Variants in SSX2IP observed in about 807,000 individuals in gnomAD.
SSX2IP encodes SSX family member 2 interacting protein.
In SSX2IP, 55 loss-of-function variants were observed where a neutral mutation model predicts 84.9. The ratio of observed to expected loss-of-function variants is 0.65; its 90% CI spans 0.52 to 0.81. SSX2IP has a LOEUF of 0.81. SSX2IP is among the 30% of genes least tolerant of loss of function. SSX2IP has a pLI of 0.00. For synonymous variants in SSX2IP, 239 were observed against 234.7 expected (o/e 1.02, Z -0.17); for missense variants, 664 against 705.2 (o/e 0.94, Z 0.66).
At chr1:84,678,374 T>C (rs1290970952) in intron 1 of SSX2IP, among the ~76,000 whole-genome samples, 1 of 152,182 alleles carries the variant, frequency 6.6e-6, no homozygotes, top group African/African-American at 2.4e-5. Context: ...CTTGCACGTA[T>C]TTCAAAACTA....
Position 84,671,157 on chromosome 1 carries a change from AATTATTTAGAC to A in SSX2IP, c.43+9_43+19del. 1 of 1,605,416 alleles carries A rather than the reference AATTATTTAGAC, an allele frequency of 6.2e-7. No homozygotes were observed. The highest frequency in any genetic ancestry group is 1.1e-5 in the South Asian group (1 of 88,782). ...CTTTACAGTTTCTGCTTTTGTTTAC[AATTATTTAGAC>A]TTAATTACCTGAAGACAGACCTGGA... On this transcript the variant is annotated intron_variant, in intron 2 of 13. Coordinates refer to ENST00000342203, the MANE Select transcript of SSX2IP (RefSeq NM_001166293.2).
Position 84,664,501 on chromosome 1 carries a change from CATG to C in SSX2IP, c.586_588del (p.His196del). ...TATTCACGCTCTTTTCTCTTCATAT[CATG>C]ATTATACTGAGTAGCTCGACTTGCA... On this transcript the variant is annotated inframe_deletion, in exon 6 of 14. Transcript: ENST00000342203. 6.2e-7 allele frequency: 1 copy of C among 1,602,654 alleles called. No homozygotes were observed. The highest frequency in any genetic ancestry group is 8.5e-7 in the Non-Finnish European group (1 of 1,176,064).
chr1:84,671,247 G>A lies in SSX2IP; in HGVS notation c.-28C>T, dbSNP rs753278008. 6 of 1,606,898 alleles carry A rather than the reference G, an allele frequency of 3.7e-6. No homozygotes were observed. Among genetic ancestry groups the A allele is most frequent in the South Asian group, 2.2e-5 (2 of 89,928 alleles). On this transcript the variant is annotated 5_prime_UTR_variant, in exon 2 of 14. Coordinates refer to ENST00000342203, the MANE Select transcript of SSX2IP (RefSeq NM_001166293.2). ...CAATCTCTAGAGCCAGGATACCTGA[G>A]GAACTAGTTCAGCAGTTAAACATTT...
intron 1 of SSX2IP, among the ~76,000 whole-genome samples, chr1:84,686,697 A>C (rs1234676362): frequency 6.6e-6 from 1 of 152,232 alleles, no homozygotes; most frequent in African/African-American, 2.4e-5. Flanking sequence ...ACAAAGAGAC[A>C]GGGGAACGGA....
chr1:84,649,718 C>G (rs1290101954), intron 13 of SSX2IP: 1 of 310,306 alleles, frequency 3.2e-6, no homozygotes, highest in Admixed American at 4.5e-5. Context: ...AATGTTCTAC[C>G]TGCTTCCTCT....
At chr1:84,687,586 G>A (rs1020077259) in intron 1 of SSX2IP, among the ~76,000 whole-genome samples, 2 of 152,142 alleles carry the variant, frequency 1.3e-5, no homozygotes, top group Admixed American at 1.3e-4. Context: ...CTGCTTTTCT[G>A]GAGTTTCTGA....
chr1:84,656,562 C>T, intron 9 of SSX2IP, 78 bp from the exon 10 acceptor site: 1 of 1,265,080 alleles, frequency 7.9e-7, no homozygotes, highest in Non-Finnish European at 1.0e-6. Context: ...ATCTTTAAAA[C>T]AAGGGCTCTC....
At chr1:84,657,723 A>T (rs929158802) in intron 9 of SSX2IP, among the ~76,000 whole-genome samples, 4 of 152,144 alleles carry the variant, frequency 2.6e-5, no homozygotes, top group African/African-American at 9.7e-5. Flanking sequence ...AGTTATCTTT[A>T]TTTGATTGTA....
chr1:84,683,962 C>G (rs1294044678), intron 1 of SSX2IP, among the ~76,000 whole-genome samples: 3 of 152,060 alleles, frequency 2.0e-5, no homozygotes, highest in Non-Finnish European at 4.4e-5. Flanking sequence ...AGAAGTCTAT[C>G]AACTTTTAAG....
chr1:84,680,441 T>G (rs1055321139), intron 1 of SSX2IP: 1 of 152,186 alleles, frequency 6.6e-6, no homozygotes, highest in African/African-American at 2.4e-5. Flanking sequence ...GGTTAAACAG[T>G]AAATTTAGTT....
In SSX2IP at chr1:84,690,411, G is replaced by T. The variant is rs1238054811; in HGVS notation, c.-130C>A. ...GAGCGGCGGGGAGTCACCGCTCGGC[G>T]TCCTAGCCCGGCTCCCGCAGCCCGA... On this transcript the variant is annotated 5_prime_UTR_variant, in exon 1 of 14. Transcript: ENST00000342203. 6.6e-6 allele frequency: 1 copy of T among 150,758 alleles called. No individual in the cohort carries two copies. The highest frequency in any genetic ancestry group is 2.4e-5 in the African/African-American group (1 of 41,062). 9.3% of individuals were successfully genotyped at this position (150,758 alleles called of 1,614,324 possible). A position where few individuals can be genotyped will look rare whatever the true frequency, so the allele number is the denominator to read the frequency against.
At chr1:84,674,316 G>A (rs960752846) in intron 1 of SSX2IP, among the ~76,000 whole-genome samples, 1 of 151,964 alleles carries the variant, frequency 6.6e-6, no homozygotes, top group East Asian at 1.9e-4. Context: ...CTAGACACAG[G>A]GCTATTTGGT....
intron 1 of SSX2IP, among the ~76,000 whole-genome samples, chr1:84,674,524 T>A (rs1418592790): frequency 1.3e-5 from 2 of 152,222 alleles, no homozygotes; most frequent in Non-Finnish European, 2.9e-5. Flanking sequence ...CCAATTTGTG[T>A]TCTTGTTAAG....
Position 84,645,638 on chromosome 1 carries a change from T to C in SSX2IP, c.*1795A>G, listed in dbSNP as rs1649379553. ...ATGGAAAACCCTCGGGGGAAAATTG[T>C]TGCCAAATGTATCCATTAACTGTAT... is the stretch of plus-strand genomic sequence containing the variant. On this transcript the variant is annotated 3_prime_UTR_variant, in exon 14 of 14. Coordinates refer to ENST00000342203, the MANE Select transcript of SSX2IP (RefSeq NM_001166293.2). 4 of 152,234 alleles carry C rather than the reference T, an allele frequency of 2.6e-5. No individual in the cohort carries two copies. Among genetic ancestry groups the C allele is most frequent in the Admixed American group, 2.6e-4 (4 of 15,280 alleles). The allele number at this position is 152,234 out of a possible 1,614,324, so 9.4% of individuals were successfully genotyped here.
Position 84,657,451 on chromosome 1 carries a change from A to T in SSX2IP, c.1078+867T>A, listed in dbSNP as rs757762101. The stretch of plus-strand genomic sequence containing the variant: ...TTTTGCATTAAACATCTATTATTTT[A>T]AAAATAATTTTAAGTGAATTACTAG... On this transcript the variant is annotated intron_variant, in intron 9 of 13. Coordinates refer to ENST00000342203, the MANE Select transcript of SSX2IP (RefSeq NM_001166293.2). Among the ~76,000 whole-genome samples, 3 of 152,332 alleles carry T rather than the reference A, an allele frequency of 2.0e-5. No individual in the cohort carries two copies. In the South Asian group the frequency reaches 6.2e-4, roughly 32 times the overall value.
intron 1 of SSX2IP, among the ~76,000 whole-genome samples, chr1:84,681,837 T>C (rs1655122461): frequency 6.6e-6 from 1 of 152,136 alleles, no homozygotes; most frequent in Non-Finnish European, 1.5e-5. Flanking sequence ...CCTGAGGGAA[T>C]GTCTGTGGGA....
chr1:84,647,644 C>G (rs751830966), intron 13 of SSX2IP, 37 bp from the exon 14 acceptor site: 27 of 1,446,918 alleles, frequency 1.9e-5, no homozygotes, highest in Non-Finnish European at 2.5e-5. Flanking sequence ...AGTGACTATC[C>G]TCTCCTTCTT....
chr1:84,684,198 A>G (rs1655479964), intron 1 of SSX2IP, among the ~76,000 whole-genome samples: 1 of 152,240 alleles, frequency 6.6e-6, no homozygotes, highest in African/African-American at 2.4e-5. Flanking sequence ...CAGCATCAAC[A>G]TCACCTGACT....
At chr1:84,676,167 A>G (rs1418516220) in intron 1 of SSX2IP, among the ~76,000 whole-genome samples, 1 of 152,234 alleles carries the variant, frequency 6.6e-6, no homozygotes, top group African/African-American at 2.4e-5. Flanking sequence ...TAATTAAAAT[A>G]TCTTGTAAAA....
Sources: gnomAD v4.1 joint callset for allele counts (sites outside exome capture counted in the v4.1 genomes callset) on GRCh38, gnomAD v4.1.1 for gene constraint, MANE v1.5 for transcripts, NCBI Gene and HGNC (gene_info 2026-07-23, HGNC 2026-07-21) for gene names.